The following DOCK8 variants were observed in gnomAD, a reference collection of about 807,000 sequenced individuals.
DOCK8 encodes the protein dedicator of cytokinesis protein 8.
Under a neutral mutation model 245.6 loss-of-function variants are expected in DOCK8, and 141 were observed. The ratio of observed to expected loss-of-function variants is 0.57; its 90% CI spans 0.50 to 0.66. DOCK8 has a LOEUF of 0.66. DOCK8 is among the 30% of genes least tolerant of loss of function. DOCK8 has a pLI of 0.00. For missense variants in DOCK8, 2,965 were observed against 2,603.4 expected (o/e 1.14, Z -3.02); for synonymous variants, 1,168 against 970.2 (o/e 1.20, Z -3.79).
chr9:423,854 C>T (rs1010933994), intron 33 of DOCK8, among the ~76,000 whole-genome samples: 2 of 152,102 alleles, frequency 1.3e-5, no homozygotes, highest in African/African-American at 4.8e-5. Context: ...TAAAAGAAGA[C>T]CCCTAAGTAG....
intron 1 of DOCK8, among the ~76,000 whole-genome samples, chr9:245,902 G>A (rs920187124): frequency 2.0e-5 from 3 of 152,084 alleles, no homozygotes; most frequent in Non-Finnish European, 4.4e-5. Context: ...AGACAATTTA[G>A]GCAAGCAAAC....
intron 28 of DOCK8, among the ~76,000 whole-genome samples, chr9:414,390 T>C (rs547482286): frequency 2.6e-5 from 4 of 152,358 alleles, no homozygotes; most frequent in African/African-American, 9.6e-5. Context: ...AAAAACATCA[T>C]GCTAAACAGC....
chr9:399,317 T>C (rs1248594475), intron 26 of DOCK8, 58 bp downstream of exon 26: 4 of 1,215,142 alleles, frequency 3.3e-6, no homozygotes, highest in Non-Finnish European at 4.6e-6. Flanking sequence ...TCTCATATAA[T>C]GTGATGTTCG....
intron 1 of DOCK8, among the ~76,000 whole-genome samples, chr9:237,781 T>C (rs2047289742): frequency 6.6e-6 from 1 of 152,196 alleles, no homozygotes; most frequent in African/African-American, 2.4e-5. Context: ...AGTTTTTTTT[T>C]CTGAGAACAA....
At position 415,101 on chromosome 9, in the gene DOCK8, C is replaced by A. The variant is rs959758402; in HGVS notation, c.3700+150C>A. Reference sequence around the variant, plus strand: ...GGTCTCCAAACCTCTTTAACACTGGCCCCAATCAGTTAAAAAAACAAAAAA... The same window carrying A: ...GGTCTCCAAACCTCTTTAACACTGGACCCAATCAGTTAAAAAAACAAAAAA... On this transcript the variant is annotated intron_variant, in intron 29 of 47. Transcript: ENST00000432829. The A allele has an allele frequency of 5.4e-6, 6 of 1,105,836 alleles. No individual in the cohort carries two copies. In the African/African-American group the frequency reaches 7.8e-5, roughly 14 times the overall value. 68.5% of individuals were successfully genotyped at this position (1,105,836 alleles called of 1,614,324 possible). A position where few individuals can be genotyped will look rare whatever the true frequency, so the allele number is the denominator to read the frequency against.
At chr9:432,891 A>G (rs2056769228) in intron 37 of DOCK8, among the ~76,000 whole-genome samples, 1 of 152,226 alleles carries the variant, frequency 6.6e-6, no homozygotes, top group African/African-American at 2.4e-5. Flanking sequence ...AAGGACAGTC[A>G]TCTCTTCCAT....
rs1199338010 is a variant in DOCK8 at position 372,169 on chromosome 9, A to T, written c.2008-16A>T. ...TGTAATAAATACCACTTTATTATTTACATCATCTGTTTCAGTGGCTGCCAA... is the reference window on the plus strand; with the variant it reads ...TGTAATAAATACCACTTTATTATTTTCATCATCTGTTTCAGTGGCTGCCAA... On this transcript the variant is annotated splice_polypyrimidine_tract_variant and intron_variant, in intron 17 of 47. Transcript: ENST00000432829. 3 of 1,602,096 alleles carry T rather than the reference A, an allele frequency of 1.9e-6. No homozygotes were observed. In the South Asian group the frequency reaches 3.3e-5, roughly 18 times the overall value.
At chr9:312,269 A>C (rs780862611) in intron 6 of DOCK8, 103 bp downstream of exon 6, 2 of 1,354,986 alleles carry the variant, frequency 1.5e-6, no homozygotes, top group Non-Finnish European at 2.1e-6. Context: ...CCATGGTGTC[A>C]GGGCTCACTT....
intron 9 of DOCK8, 62 bp from the exon 10 acceptor site, chr9:332,336 C>A: frequency 8.9e-7 from 1 of 1,124,688 alleles, no homozygotes; most frequent in Non-Finnish European, 1.4e-6. Context: ...TTGATGGTTG[C>A]ATAGATTCCT....
At chr9:274,467 T>C (rs1282522863) in intron 2 of DOCK8, among the ~76,000 whole-genome samples, 2 of 148,290 alleles carry the variant, frequency 1.3e-5, no homozygotes, top group Admixed American at 7.0e-5. Flanking sequence ...ATTGAATTCT[T>C]TTTTTTTTCT....
intron 26 of DOCK8, among the ~76,000 whole-genome samples, chr9:400,871 A>G (rs1409308086): frequency 1.0e-5 from 1 of 99,082 alleles, no homozygotes; most frequent in African/African-American, 5.2e-5. Flanking sequence ...CTCCACCATC[A>G]CCACCACCTC....
At chr9:356,008 C>A (rs1244427966) in intron 14 of DOCK8, among the ~76,000 whole-genome samples, 1 of 152,184 alleles carries the variant, frequency 6.6e-6, no homozygotes, top group African/African-American at 2.4e-5. Flanking sequence ...GAAAACCACA[C>A]TGGAAATAGG....
intron 46 of DOCK8, among the ~76,000 whole-genome samples, chr9:458,779 C>T (rs745581182): frequency 3.3e-5 from 5 of 152,114 alleles, no homozygotes; most frequent in Non-Finnish European, 7.4e-5. Context: ...CCACTGCCTT[C>T]CACCCTGCAT....
intron 28 of DOCK8, among the ~76,000 whole-genome samples, chr9:408,558 T>C (rs1170646041): frequency 2.0e-5 from 3 of 152,238 alleles, no homozygotes; most frequent in Admixed American, 6.5e-5. Flanking sequence ...CGAACACTTA[T>C]GCTAATAAGT....
At chr9:408,309 G>A (rs972097981) in intron 28 of DOCK8, among the ~76,000 whole-genome samples, 1 of 152,186 alleles carries the variant, frequency 6.6e-6, no homozygotes, top group East Asian at 1.9e-4. Flanking sequence ...GGCTGACACC[G>A]CTGAAGTGAC....
At chr9:302,182 A>G (rs2049584943) in intron 4 of DOCK8, among the ~76,000 whole-genome samples, 1 of 152,196 alleles carries the variant, frequency 6.6e-6, no homozygotes, top group African/African-American at 2.4e-5. Context: ...ATAAAGAACC[A>G]GAAATAAAGC....
At chr9:224,699 G>T (rs1231919553) in intron 1 of DOCK8, among the ~76,000 whole-genome samples, 1 of 152,130 alleles carries the variant, frequency 6.6e-6, no homozygotes. Context: ...AAGTTGGGCT[G>T]TCCTCAGGAA....
At chr9:408,189 G>C (rs185494070) in intron 28 of DOCK8, among the ~76,000 whole-genome samples, 58 of 152,328 alleles carry the variant, frequency 3.8e-4, no homozygotes, top group African/African-American at 1.3e-3. Context: ...TTCTCTCAAA[G>C]TGCTTACAAT....
chr9:396,636 T>G, intron 24 of DOCK8, 149 bp from the exon 25 acceptor site: 4 of 1,085,030 alleles, frequency 3.7e-6, no homozygotes. Flanking sequence ...AGCATTTTAG[T>G]CCAGAGCTTG....
Sources: gnomAD v4.1 joint callset for allele counts (sites outside exome capture counted in the v4.1 genomes callset) on GRCh38, gnomAD v4.1.1 for gene constraint, MANE v1.5 for transcripts, NCBI Gene and HGNC (gene_info 2026-07-23, HGNC 2026-07-21) for gene names.